ZNF571: variants seen among roughly 807,000 people sequenced by gnomAD.
ZNF571 encodes the protein zinc finger protein 571.
Under a neutral mutation model 7.7 loss-of-function variants are expected in ZNF571, and 4 were observed. The ratio of observed to expected loss-of-function variants is 0.52; its 90% CI spans 0.25 to 1.18. The LOEUF is 1.18. Ranked by LOEUF, ZNF571 falls within the 50% of genes most tolerant of loss-of-function variation. ZNF571 has a pLI of 0.14. For missense variants in ZNF571, 704 were observed against 726.9 expected (o/e 0.97, Z 0.36); for synonymous variants, 251 against 232.4 (o/e 1.08, Z -0.73).
rs561619097 is a variant in ZNF571 at position 37,590,422 on chromosome 19, A to G, written c.-69-3677T>C. Reference sequence around the variant, plus strand: ...ACAGAGTGAGGCTCCGTTTCAAAAAAAAGAAGAAGAAAAAAAAAGCTATAA... The same window carrying G: ...ACAGAGTGAGGCTCCGTTTCAAAAAGAAGAAGAAGAAAAAAAAAGCTATAA... On this transcript the variant is annotated intron_variant, in intron 1 of 3. Transcript: ENST00000451802. Among the ~76,000 whole-genome samples, 109 of 137,846 alleles carry G rather than the reference A, an allele frequency of 7.9e-4. 1 individual carries two copies. Among genetic ancestry groups the G allele is most frequent in the African/African-American group, 2.0e-3 (80 of 40,360 alleles). 90.4% of individuals were successfully genotyped at this position (137,846 alleles called of 152,430 possible). A position where few individuals can be genotyped will look rare whatever the true frequency, so the allele number is the denominator to read the frequency against.
chr19:37,581,792 A>G (rs1389703281), intron 3 of ZNF571, among the ~76,000 whole-genome samples: 1 of 151,414 alleles, frequency 6.6e-6, no homozygotes, highest in Non-Finnish European at 1.5e-5. Flanking sequence ...CTCCTGTGAA[A>G]AAAAAACAAA....
At chr19:37,591,424 T>C (rs1172506141) in intron 1 of ZNF571, among the ~76,000 whole-genome samples, 1 of 152,190 alleles carries the variant, frequency 6.6e-6, no homozygotes, top group Non-Finnish European at 1.5e-5. Context: ...TCGAAACATA[T>C]GGTATTCAAA....
intron 3 of ZNF571, among the ~76,000 whole-genome samples, chr19:37,566,644 C>G (rs751260087): frequency 6.6e-6 from 1 of 152,108 alleles, no homozygotes; most frequent in Non-Finnish European, 1.5e-5. Context: ...GCTCTCCTGT[C>G]AACATTAAGA....
intron 3 of ZNF571, among the ~76,000 whole-genome samples, chr19:37,581,731 G>C (rs2043472042): frequency 1.3e-5 from 2 of 151,662 alleles, no homozygotes; most frequent in Non-Finnish European, 2.9e-5. Context: ...CCAAAGTACT[G>C]GGATTACAGG....
In ZNF571 at chr19:37,565,274, T is replaced by C. The variant is rs979569706; in HGVS notation, c.1154A>G (p.His385Arg). The change falls in exon 4 of 4, where the codon CAT becomes CGT. Residue 385 changes from histidine to arginine, a missense_variant. His to Arg is a conservative substitution (Grantham distance 29). Transcript: ENST00000451802. ...GSQLTYHLRV[H>R]SGERPYKCKE... ...GCATTTATAAGGTCTCTCACCTGAA[T>C]GAACTCTCAGGTGGTAAGTAAGTTG... is the stretch of plus-strand genomic sequence containing the variant. 1 of 1,611,120 alleles carries C rather than the reference T, an allele frequency of 6.2e-7. No individual in the cohort carries two copies. The highest frequency in any genetic ancestry group is 1.3e-5 in the African/African-American group (1 of 74,682).
At chr19:37,592,381 T>C (rs924219043) in intron 1 of ZNF571, among the ~76,000 whole-genome samples, 3 of 152,220 alleles carry the variant, frequency 2.0e-5, no homozygotes, top group African/African-American at 7.2e-5. Flanking sequence ...TTTTCTCTAA[T>C]AGCCACCACT....
chr19:37,587,185 TG>T (rs962497710), intron 1 of ZNF571: 3 of 153,106 alleles, frequency 2.0e-5, no homozygotes, highest in Admixed American at 1.3e-4. Context: ...CCCACTCCCC[TG>T]AATCTAGTTC....
At chr19:37,583,939 C>A in intron 3 of ZNF571, 32 bp downstream of exon 3, 1 of 1,558,324 alleles carries the variant, frequency 6.4e-7, no homozygotes. Context: ...TTATGGGGAA[C>A]AAATTCTGAA....
intron 2 of ZNF571, among the ~76,000 whole-genome samples, chr19:37,584,917 T>C (rs952575671): frequency 1.3e-5 from 2 of 150,934 alleles, no homozygotes; most frequent in Non-Finnish European, 2.9e-5. Flanking sequence ...TGAGCCGAGA[T>C]TGCGCCACTG....
In ZNF571 at chr19:37,581,878, A is replaced by T. The variant is rs559568180; in HGVS notation, c.136+2093T>A. Among the ~76,000 whole-genome samples, 556 of 152,130 alleles carry T rather than the reference A, an allele frequency of 3.7e-3. 2 individuals are homozygous for T. Among genetic ancestry groups the T allele is most frequent in the Non-Finnish European group, 3.4e-3 (233 of 67,978 alleles). ...TGCAGGGTGAACCAGGAGAATGGCA[A>T]AACTTCTCAAGAGGTATGCATGCTT... On this transcript the variant is annotated intron_variant, in intron 3 of 3. Transcript: ENST00000451802.
chr19:37,581,557 G>A (rs1044504848), intron 3 of ZNF571, among the ~76,000 whole-genome samples: 3 of 150,130 alleles, frequency 2.0e-5, no homozygotes, highest in African/African-American at 7.4e-5. Flanking sequence ...CCTCGACCTC[G>A]GGGCTCAAAT....
At position 37,564,574 on chromosome 19, in the gene ZNF571, A is replaced by C; in HGVS notation, c.*24T>G. 2 of 1,456,086 alleles carry C rather than the reference A, an allele frequency of 1.4e-6. No individual in the cohort carries two copies. The highest frequency in any genetic ancestry group is 1.8e-4 in the Middle Eastern group (1 of 5,436). 90.2% of individuals were successfully genotyped at this position (1,456,086 alleles called of 1,614,324 possible). A position where few individuals can be genotyped will look rare whatever the true frequency, so the allele number is the denominator to read the frequency against. On this transcript the variant is annotated 3_prime_UTR_variant, in exon 4 of 4. Transcript: ENST00000451802. ...TATGAAATAGATGAAGATTTTCTTAAATTTAATCACATTCAAGGCTTTCTC... is the reference window on the plus strand; with the variant it reads ...TATGAAATAGATGAAGATTTTCTTACATTTAATCACATTCAAGGCTTTCTC...
chr19:37,572,439 C>T (rs2043095387), intron 3 of ZNF571, among the ~76,000 whole-genome samples: 1 of 152,222 alleles, frequency 6.6e-6, no homozygotes, highest in Non-Finnish European at 1.5e-5. Flanking sequence ...AATCATCCCT[C>T]TGACCAGCAT....
chr19:37,591,339 G>C (rs2043862498), intron 1 of ZNF571, among the ~76,000 whole-genome samples: 1 of 152,154 alleles, frequency 6.6e-6, no homozygotes, highest in Admixed American at 6.5e-5. Context: ...GAAAGACACA[G>C]AACTGCCTGG....
chr19:37,591,844 A>G (rs1345271541), intron 1 of ZNF571, among the ~76,000 whole-genome samples: 1 of 152,086 alleles, frequency 6.6e-6, no homozygotes, highest in Non-Finnish European at 1.5e-5. Context: ...ACACATGGCC[A>G]TGAACCGTAT....
chr19:37,589,388 AAC>A (rs1014506914), intron 1 of ZNF571, among the ~76,000 whole-genome samples: 1 of 152,060 alleles, frequency 6.6e-6, no homozygotes, highest in Non-Finnish European at 1.5e-5. Context: ...TTAAATAAAA[AAC>A]AGAGTCCTAA....
intron 1 of ZNF571, chr19:37,587,084 T>C: frequency 1.1e-5 from 2 of 178,778 alleles, no homozygotes; most frequent in Non-Finnish European, 2.3e-5. Context: ...GAGACCAAAA[T>C]GTGGCCTTCT....
intron 1 of ZNF571, among the ~76,000 whole-genome samples, chr19:37,592,817 G>A (rs1333305427): frequency 6.6e-6 from 1 of 152,196 alleles, no homozygotes; most frequent in Admixed American, 6.5e-5. Context: ...GAAGCAATTA[G>A]CTAAAAGCAG....
chr19:37,565,298 T>G lies in ZNF571; in HGVS notation c.1130A>C (p.Gln377Pro). The G allele has an allele frequency of 6.2e-7, 1 of 1,611,250 alleles. No homozygotes were observed. The highest frequency in any genetic ancestry group is 8.5e-7 in the Non-Finnish European group (1 of 1,178,710). The part of the protein sequence containing the change: ...ECGKTFFRGS[Q>P]LTYHLRVHSG... ...ATGAACTCTCAGGTGGTAAGTAAGT[T>G]GTGAGCCACGAAAAAAGGTCTTCCC... is the stretch of plus-strand genomic sequence containing the variant. Residue 377 changes from glutamine to proline, a missense_variant, in exon 4 of 4, where the codon CAA becomes CCA. Coordinates refer to ENST00000451802, the MANE Select transcript of ZNF571 (RefSeq NM_016536.5).
Sources: gnomAD v4.1 joint callset for allele counts (sites outside exome capture counted in the v4.1 genomes callset) on GRCh38, gnomAD v4.1.1 for gene constraint, MANE v1.5 for transcripts, NCBI Gene and HGNC (gene_info 2026-07-23, HGNC 2026-07-21) for gene names.